The following IL34 variants were observed in gnomAD, a reference collection of about 807,000 sequenced individuals.
IL34 encodes the protein interleukin 34.
A neutral mutation model predicts 25.3 loss-of-function variants in IL34; 17 were observed. The ratio of observed to expected loss-of-function variants is 0.67; its 90% CI spans 0.46 to 1.01. The LOEUF is 1.01. Ranked by LOEUF, IL34 falls within the 50% of genes least tolerant of loss-of-function variation. The pLI, the probability that IL34 is intolerant of heterozygous loss-of-function variation, is 0.00. For synonymous variants in IL34, 174 were observed against 140.9 expected, an observed-to-expected ratio of 1.23 and a Z score of -1.66; for missense variants, 368 against 312.9, an observed-to-expected ratio of 1.18 and a Z score of -1.33.
chr16:70,588,883 G>A (rs531272765), intron 1 of IL34, among the ~76,000 whole-genome samples: 2 of 152,314 alleles, frequency 1.3e-5, no homozygotes, highest in East Asian at 3.9e-4. Context: ...ATGTTTCTAT[G>A]GTGGTTGCCA....
Position 70,654,568 on chromosome 16 carries a change from G to T in IL34, c.59G>T (p.Gly20Val). 6.2e-7 allele frequency: 1 copy of T among 1,613,302 alleles called. No individual in the cohort carries two copies. The highest frequency in any genetic ancestry group is 8.5e-7 in the Non-Finnish European group (1 of 1,179,460). The change falls in exon 2 of 6, where the codon GGG becomes GTG. Residue 20 changes from glycine (G) to valine (V), a missense_variant. Transcript: ENST00000288098. Reference protein sequence around the residue: ...YLGIFLGVALGNEPLEMWPLT... With the variant: ...YLGIFLGVALVNEPLEMWPLT... ...GGGATCTTCCTTGGCGTGGCCTTGGGGAATGAGCCTTTGGAGATGTGGCCC... is the reference window on the plus strand; with the variant it reads ...GGGATCTTCCTTGGCGTGGCCTTGGTGAATGAGCCTTTGGAGATGTGGCCC...
At chr16:70,656,168 C>T (rs2052214016) in intron 2 of IL34, among the ~76,000 whole-genome samples, 1 of 152,174 alleles carries the variant, frequency 6.6e-6, no homozygotes, top group African/African-American at 2.4e-5. Flanking sequence ...CAGCTGGGAG[C>T]CAGGCACACC....
chr16:70,618,161 A>G (rs529680800), intron 1 of IL34, among the ~76,000 whole-genome samples: 141 of 152,264 alleles, frequency 9.3e-4, no homozygotes, highest in South Asian at 3.5e-3. Context: ...GAGGCGGGCT[A>G]GTGGCTTGTA....
At chr16:70,641,842 A>C (rs1260013745), upstream of IL34, among the ~76,000 whole-genome samples, 3 of 152,156 alleles carry the variant, frequency 2.0e-5, no homozygotes, top group Non-Finnish European at 4.4e-5. Flanking sequence ...TGTTGGAATT[A>C]TAGGCATGAG....
At position 70,646,663 on chromosome 16, in the gene IL34, C is replaced by T. The variant is rs2051938902; in HGVS notation, c.-285C>T. 1 of 428,200 alleles carries T rather than the reference C, an allele frequency of 2.3e-6. No individual in the cohort carries two copies. Among genetic ancestry groups the T allele is most frequent in the Non-Finnish European group, 4.1e-6 (1 of 244,498 alleles). The allele number at this position is 428,200 out of a possible 1,614,324, so 26.5% of individuals were successfully genotyped here. A position where few individuals can be genotyped will look rare whatever the true frequency, so the allele number is the denominator to read the frequency against. On this transcript the variant is annotated 5_prime_UTR_variant, in exon 1 of 6. Coordinates refer to ENST00000288098, the MANE Select transcript of IL34 (RefSeq NM_001393494.1). ...TCCTCCTGCTCCTTGGAAAGGAAGA[C>T]CCCGAAAGACCCCCAAGCCACCGGC...
At chr16:70,604,949 T>C (rs2050980094) in intron 1 of IL34, among the ~76,000 whole-genome samples, 1 of 151,168 alleles carries the variant, frequency 6.6e-6, no homozygotes, top group Non-Finnish European at 1.5e-5. Flanking sequence ...TGTGTGTGCA[T>C]GTCTGTGTGT....
At position 70,640,349 on chromosome 16, in the gene IL34, A is replaced by G. The variant is rs374709742; in HGVS notation, c.-400-6199A>G. 3.3e-5 allele frequency among the ~76,000 whole-genome samples: 5 copies of G among 151,984 alleles called. No homozygotes were observed. In the South Asian group the frequency reaches 1.0e-3, roughly 32 times the overall value. ...TTTTGTAGGGACAGCCTCTTGCTAT[A>G]TTACCTTGTGTCAACTGTAATCACA... On this transcript the variant is annotated intron_variant, in intron 1 of 6. Transcript: ENST00000429149.
At chr16:70,634,177 G>A (rs570468434) in intron 1 of IL34, among the ~76,000 whole-genome samples, 2 of 152,020 alleles carry the variant, frequency 1.3e-5, no homozygotes, top group Non-Finnish European at 1.5e-5. Flanking sequence ...CAGGACACCA[G>A]TCATTGTATT....
At chr16:70,654,403 G>GC (rs1382420604) in intron 1 of IL34, 135 bp from the exon 2 acceptor site, 2 of 1,183,482 alleles carry the variant, frequency 1.7e-6, no homozygotes, top group Non-Finnish European at 2.4e-6. Flanking sequence ...CAGATCCCGT[G>GC]CCCCCCACCA....
intron 5 of IL34, 53 bp downstream of exon 5, chr16:70,659,806 C>G: frequency 1.3e-6 from 2 of 1,555,132 alleles, no homozygotes; most frequent in Non-Finnish European, 1.7e-6. Context: ...GGCATCTGGG[C>G]CCACCCAGGC....
chr16:70,585,841 T>C (rs1189096466), intron 1 of IL34, among the ~76,000 whole-genome samples: 1 of 150,150 alleles, frequency 6.7e-6, no homozygotes, highest in Non-Finnish European at 1.5e-5. Context: ...CTCCTTGTTT[T>C]TTTTTTTTTT....
At chr16:70,606,165 G>C (rs1165642166) in intron 1 of IL34, among the ~76,000 whole-genome samples, 3 of 152,014 alleles carry the variant, frequency 2.0e-5, no homozygotes, top group African/African-American at 7.2e-5. Flanking sequence ...GGGAGGCCAA[G>C]ACAGATGGAT....
chr16:70,635,895 C>T lies in IL34; in HGVS notation c.-400-10653C>T, dbSNP rs772026547. Among the ~76,000 whole-genome samples, 29 of 152,170 alleles carry T rather than the reference C, an allele frequency of 1.9e-4. No individual in the cohort carries two copies. In the Middle Eastern group the frequency reaches 0.01, roughly 54 times the overall value. ...AGAAATCCAGTAAATCCTTACATAG[C>T]CCTTTGAGGTCAGAATCTCATATCA... On this transcript the variant is annotated intron_variant, in intron 1 of 6. Transcript: ENST00000429149.
chr16:70,616,542 C>T (rs1353140015), intron 1 of IL34, among the ~76,000 whole-genome samples: 1 of 152,092 alleles, frequency 6.6e-6, no homozygotes, highest in African/African-American at 2.4e-5. Context: ...AGCAACATGT[C>T]TGTTTATTTC....
intron 4 of IL34, among the ~76,000 whole-genome samples, chr16:70,657,763 G>A (rs1216289162): frequency 6.6e-6 from 1 of 152,004 alleles, no homozygotes; most frequent in Non-Finnish European, 1.5e-5. Flanking sequence ...CAACAAGAAC[G>A]AAAAACTCCA....
At chr16:70,657,939 G>A (rs985368334) in intron 4 of IL34, among the ~76,000 whole-genome samples, 7 of 152,150 alleles carry the variant, frequency 4.6e-5, no homozygotes, top group African/African-American at 1.7e-4. Flanking sequence ...TCCCTGACCC[G>A]CTCAGAGAAA....
intron 1 of IL34, among the ~76,000 whole-genome samples, chr16:70,638,450 G>GAAAAAAGA (rs1030531237): frequency 9.9e-5 from 15 of 151,588 alleles, no homozygotes; most frequent in African/African-American, 3.6e-4. Flanking sequence ...AAAAAATAAA[G>GAAAAAAGA]AAAAAAGAAA....
chr16:70,656,333 A>G (rs1412098751), intron 2 of IL34, among the ~76,000 whole-genome samples: 1 of 152,138 alleles, frequency 6.6e-6, no homozygotes, highest in African/African-American at 2.4e-5. Context: ...AGCCTGGGCA[A>G]CAAGAAGAAA....
intron 1 of IL34, among the ~76,000 whole-genome samples, chr16:70,637,931 A>G (rs2051693106): frequency 6.6e-6 from 1 of 152,172 alleles, no homozygotes; most frequent in African/African-American, 2.4e-5. Context: ...GTGGTTTGAC[A>G]TTTAGGTGGT....
Sources: allele counts gnomAD v4.1 joint callset (sites outside exome capture counted in the v4.1 genomes callset), GRCh38; gene constraint gnomAD v4.1.1; transcripts MANE v1.5; gene names NCBI Gene and HGNC (gene_info 2026-07-23, HGNC 2026-07-21).